The following MTUS1 variants were observed in gnomAD, a reference collection of about 807,000 sequenced individuals.
The protein encoded by MTUS1 is microtubule associated scaffold protein 1.
Under a neutral mutation model 120.8 loss-of-function variants are expected in MTUS1, and 109 were observed. That is an observed-to-expected ratio of 0.90 (90% CI 0.77 to 1.06). The LOEUF (loss-of-function observed/expected upper bound fraction) is 1.06, where lower values mean the gene tolerates loss of function less well. Ranked by LOEUF, MTUS1 falls within the 50% of genes least tolerant of loss-of-function variation. MTUS1 has a pLI of 0.00. For synonymous variants in MTUS1, 737 were observed against 550.5 expected (o/e 1.34, Z -4.74); for missense variants, 2,210 against 1,486.3 (o/e 1.49, Z -8.01).
At chr8:17,721,827 G>A (rs763147315) in intron 4 of MTUS1, 15 of 1,614,008 alleles carry the variant, frequency 9.3e-6, no homozygotes, top group South Asian at 3.3e-5. Flanking sequence ...CCGGTGGGGT[G>A]AGTGTAGAAT....
chr8:17,798,710 T>C (rs903644421), intron 1 of MTUS1, among the ~76,000 whole-genome samples: 2 of 152,218 alleles, frequency 1.3e-5, no homozygotes, highest in African/African-American at 4.8e-5. Flanking sequence ...AAATTCTGTT[T>C]TGAGAAAGTC....
Position 17,644,641 on chromosome 8 carries a change from G to A in MTUS1, c.*1285C>T, listed in dbSNP as rs993787485. The A allele has an allele frequency of 3.3e-5, 5 of 152,212 alleles. No individual in the cohort carries two copies. The highest frequency in any genetic ancestry group is 6.5e-5 in the Admixed American group (1 of 15,268). 9.4% of individuals were successfully genotyped at this position (152,212 alleles called of 1,614,324 possible). A position where few individuals can be genotyped will look rare whatever the true frequency, so the allele number is the denominator to read the frequency against. ...ACTCCTTAAAGGGTAACTGAAAAAT[G>A]AGCGCTATCCTCCCAGACTGTTTTC... On this transcript the variant is annotated 3_prime_UTR_variant, in exon 15 of 15. Transcript: ENST00000693296.
chr8:17,698,924 C>G (rs1818492658), intron 6 of MTUS1, among the ~76,000 whole-genome samples: 2 of 152,184 alleles, frequency 1.3e-5, no homozygotes, highest in Admixed American at 1.3e-4. Flanking sequence ...CCAGCTGCTT[C>G]TAGGTGTTGC....
At chr8:17,646,662 G>A (rs550970097) in intron 14 of MTUS1, among the ~76,000 whole-genome samples, 7 of 152,224 alleles carry the variant, frequency 4.6e-5, no homozygotes, top group African/African-American at 1.7e-4. Context: ...GCAAATATTC[G>A]ACATGTTTTA....
At chr8:17,732,491 G>A (rs2131184959) in intron 3 of MTUS1, among the ~76,000 whole-genome samples, 1 of 152,252 alleles carries the variant, frequency 6.6e-6, no homozygotes, top group South Asian at 2.1e-4. Flanking sequence ...TCCTTGACCT[G>A]TGCTCTCTAC....
At chr8:17,706,199 G>A (rs1585835636) in intron 6 of MTUS1, 1 of 152,168 alleles carries the variant, frequency 6.6e-6, no homozygotes, top group African/African-American at 2.4e-5. Flanking sequence ...GTTCCTAGCA[G>A]CTGACTTAAC....
At chr8:17,682,599 G>T (rs893251469) in intron 7 of MTUS1, among the ~76,000 whole-genome samples, 1 of 151,892 alleles carries the variant, frequency 6.6e-6, no homozygotes, top group East Asian at 1.9e-4. Context: ...CATGAATGGG[G>T]ACAGCAAAGA....
chr8:17,795,823 G>A (rs143408533), intron 1 of MTUS1, among the ~76,000 whole-genome samples: 15 of 151,800 alleles, frequency 9.9e-5, no homozygotes, highest in African/African-American at 3.6e-4. Flanking sequence ...TTTTAGTAGA[G>A]TCGGGTTTCA....
chr8:17,795,985 T>C (rs2052192943), intron 1 of MTUS1, among the ~76,000 whole-genome samples: 1 of 151,624 alleles, frequency 6.6e-6, no homozygotes, highest in Non-Finnish European at 1.5e-5. Context: ...AGTCTCACTC[T>C]GTTGGCCAGG....
At chr8:17,756,536 T>C (rs1586199777) in intron 1 of MTUS1, among the ~76,000 whole-genome samples, 1 of 151,136 alleles carries the variant, frequency 6.6e-6, no homozygotes, top group East Asian at 1.9e-4. Context: ...TATTTCCAAA[T>C]TGAAGGGGAA....
At position 17,755,958 on chromosome 8, in the gene MTUS1, T is replaced by A. The variant is rs1451302981; in HGVS notation, c.-151A>T. ...GCTCTGAAGATTAAATGATTTGTTG[T>A]TCCCTGGAAGAAATAAAATGTTTAA... is the stretch of plus-strand genomic sequence containing the variant. On this transcript the variant is annotated 5_prime_UTR_variant, in exon 2 of 15. Transcript: ENST00000693296. 5 of 1,419,348 alleles carry A rather than the reference T, an allele frequency of 3.5e-6. No homozygotes were observed. The highest frequency in any genetic ancestry group is 4.6e-6 in the Non-Finnish European group (5 of 1,092,616). 87.9% of individuals were successfully genotyped at this position (1,419,348 alleles called of 1,614,324 possible).
intron 3 of MTUS1, among the ~76,000 whole-genome samples, chr8:17,726,000 C>A (rs2046206079): frequency 6.6e-6 from 1 of 152,146 alleles, no homozygotes; most frequent in African/African-American, 2.4e-5. Context: ...TCAGGCCATG[C>A]CTCTACCCCT....
chr8:17,670,235 G>C (rs1486778827), intron 8 of MTUS1, among the ~76,000 whole-genome samples: 8 of 152,328 alleles, frequency 5.3e-5, no homozygotes, highest in Middle Eastern at 3.4e-3. Flanking sequence ...TGATTATACT[G>C]GACTGGCTCA....
intron 3 of MTUS1, among the ~76,000 whole-genome samples, chr8:17,740,406 G>GT (rs955088299): frequency 5.3e-4 from 80 of 152,322 alleles, no homozygotes; most frequent in African/African-American, 1.9e-3. Context: ...TTTCAGCAGA[G>GT]TAACTGTGAG....
intron 2 of MTUS1, among the ~76,000 whole-genome samples, chr8:17,745,691 C>G (rs1252617776): frequency 6.6e-6 from 1 of 152,230 alleles, no homozygotes; most frequent in African/African-American, 2.4e-5. Context: ...CCTGGGGGCT[C>G]TCTCTACACA....
chr8:17,649,436 T>C (rs1806512351), intron 13 of MTUS1, among the ~76,000 whole-genome samples: 1 of 150,356 alleles, frequency 6.7e-6, no homozygotes, highest in African/African-American at 2.4e-5. Context: ...TTCATTTCTA[T>C]TAAATTCATT....
chr8:17,649,511 G>A (rs980051540), intron 13 of MTUS1, among the ~76,000 whole-genome samples: 1 of 152,140 alleles, frequency 6.6e-6, no homozygotes, highest in Non-Finnish European at 1.5e-5. Context: ...AGGGTGGCTG[G>A]TATATTAAAG....
intron 1 of MTUS1, among the ~76,000 whole-genome samples, chr8:17,796,441 A>G (rs911395671): frequency 8.1e-6 from 1 of 123,372 alleles, no homozygotes; most frequent in African/African-American, 3.0e-5. Flanking sequence ...TACTTAAGTG[A>G]AGCACTTCCA....
chr8:17,792,654 A>C (rs1017901313), intron 1 of MTUS1, among the ~76,000 whole-genome samples: 2 of 152,268 alleles, frequency 1.3e-5, no homozygotes, highest in Non-Finnish European at 2.9e-5. Flanking sequence ...GCCTGAGGCC[A>C]GGAGATTGCC....
Sources: gnomAD v4.1 joint callset for allele counts (sites outside exome capture counted in the v4.1 genomes callset) on GRCh38, gnomAD v4.1.1 for gene constraint, MANE v1.5 for transcripts, NCBI Gene and HGNC (gene_info 2026-07-23, HGNC 2026-07-21) for gene names.